The following FNDC8 variants were observed in gnomAD, a reference collection of about 807,000 sequenced individuals.
FNDC8 encodes the protein fibronectin type III domain containing 8, also known as fibronectin type III domain-containing protein 8.
In FNDC8, 23 loss-of-function variants were observed where a neutral mutation model predicts 24.8. That is an observed-to-expected ratio of 0.93 (90% confidence interval 0.67 to 1.31). The LOEUF is 1.31. Ranked by LOEUF, FNDC8 falls within the 40% of genes most tolerant of loss-of-function variation. The pLI is 0.00. For missense variants in FNDC8, 371 were observed against 398.2 expected (o/e 0.93, Z 0.58); for synonymous variants, 158 against 165.3 (o/e 0.96, Z 0.34).
chr17:35,127,492 G>A, intron 2 of FNDC8, 75 bp downstream of exon 2: 1 of 1,453,136 alleles, frequency 6.9e-7, no homozygotes, highest in Non-Finnish European at 9.1e-7. Flanking sequence ...TGGGTAGTGA[G>A]AAGGTGCCTG....
chr17:35,127,534 TAGGA>T lies in FNDC8; in HGVS notation c.585+121_585+124del, dbSNP rs1366274916. On this transcript the variant is annotated intron_variant, in intron 2 of 3. Transcript: ENST00000158009. ...GCATGTCGACCTCAAGTTCACGGTT[TAGGA>T]AGGGAGAGGATGTGTCTGTAAAAAC... 4 of 1,251,516 alleles carry T rather than the reference TAGGA, an allele frequency of 3.2e-6. No homozygotes were observed. In the African/African-American group the frequency reaches 4.5e-5, roughly 14 times the overall value. The allele number at this position is 1,251,516 out of a possible 1,614,324, so 77.5% of individuals were successfully genotyped here.
chr17:35,122,208 A>AC lies in FNDC8; in HGVS notation c.209+306_209+307insC, dbSNP rs1567738641. 3.3e-4 allele frequency among the ~76,000 whole-genome samples: 3 copies of AC among 9,152 alleles called. 1 individual carries two copies. Among genetic ancestry groups the AC allele is most frequent in the Non-Finnish European group, 5.3e-4 (3 of 5,608 alleles). The allele number at this position is 9,152 out of a possible 152,430, so 6.0% of individuals were successfully genotyped here. On this transcript the variant is annotated intron_variant, in intron 1 of 3. Transcript: ENST00000158009. ...TATATATATATATATATATATATAT[A>AC]AATTTTTTTTTTTGGTAGAAACGGG...
At chr17:35,128,413 G>A (rs2091857367) in intron 2 of FNDC8, among the ~76,000 whole-genome samples, 1 of 152,240 alleles carries the variant, frequency 6.6e-6, no homozygotes, top group African/African-American at 2.4e-5. Flanking sequence ...GGCCTAGATG[G>A]AGGAGAAACC....
intron 1 of FNDC8, among the ~76,000 whole-genome samples, chr17:35,122,157 CATATATAT>C (rs1161260066): frequency 4.1e-4 from 15 of 36,442 alleles, no homozygotes; most frequent in African/African-American, 7.9e-4. Flanking sequence ...GGCTAATTTT[CATATATAT>C]ATATATATAT....
chr17:35,124,742 T>A (rs2091842389), intron 1 of FNDC8, among the ~76,000 whole-genome samples: 1 of 151,780 alleles, frequency 6.6e-6, no homozygotes, highest in Non-Finnish European at 1.5e-5. Flanking sequence ...TCTTCATCAG[T>A]TAAAAAAATA....
At chr17:35,121,994 T>C (rs2091827996) in intron 1 of FNDC8, 92 bp downstream of exon 1, 1 of 1,003,014 alleles carries the variant, frequency 1.0e-6, no homozygotes, top group South Asian at 1.6e-5. Context: ...TTCCTTTTTT[T>C]TTTTTTTTTT....
At chr17:35,130,124 T>C (rs2091867431) in intron 3 of FNDC8, 158 bp from the exon 4 acceptor site, 11 of 1,441,262 alleles carry the variant, frequency 7.6e-6, no homozygotes, top group African/African-American at 5.7e-5. Flanking sequence ...GCTTGAGTCA[T>C]GCATCTTTGC....
chr17:35,129,133 A>G (rs73288947), intron 2 of FNDC8: 190 of 348,540 alleles, frequency 5.5e-4, no homozygotes, highest in African/African-American at 3.7e-3. Context: ...CTAACAGGCC[A>G]TGGACTGCTA....
chr17:35,129,686 G>A (rs199521079), intron 3 of FNDC8, 28 bp downstream of exon 3: 12 of 1,606,016 alleles, frequency 7.5e-6, no homozygotes, highest in South Asian at 5.6e-5. Flanking sequence ...AGGGGCCTTG[G>A]GGGTGGAGAG....
In FNDC8 at chr17:35,129,185, A is replaced by G; in HGVS notation, c.586-237A>G. 4 of 505,960 alleles carry G rather than the reference A, an allele frequency of 7.9e-6. 1 individual carries two copies. The highest frequency in any genetic ancestry group is 1.4e-5 in the Non-Finnish European group (4 of 280,492). The allele number at this position is 505,960 out of a possible 1,614,324, so 31.3% of individuals were successfully genotyped here. On this transcript the variant is annotated intron_variant, in intron 2 of 3. Transcript: ENST00000158009. ...GGGTTGAGGACCCCTGGCGTATAAG[A>G]AATATGGAATGAGGGTGTACCCTAA...
chr17:35,127,516 G>A (rs1444221611), intron 2 of FNDC8, 99 bp downstream of exon 2: 8 of 1,365,772 alleles, frequency 5.9e-6, no homozygotes, highest in African/African-American at 5.8e-5. Context: ...CCTGCATGTC[G>A]ACCTCAAGTT....
At chr17:35,122,157 CATATATATATATATATATAT>C (rs1161260066) in intron 1 of FNDC8, among the ~76,000 whole-genome samples, 2 of 36,448 alleles carry the variant, frequency 5.5e-5, no homozygotes, top group Non-Finnish European at 5.2e-5. Flanking sequence ...GGCTAATTTT[CATATATATATATATATATAT>C]ATATATATAT....
At chr17:35,128,874 G>A in intron 2 of FNDC8, 1 of 175,484 alleles carries the variant, frequency 5.7e-6, no homozygotes, top group South Asian at 1.7e-4. Flanking sequence ...CAACGAGAGG[G>A]TCCCATTTGG....
chr17:35,121,759 C>G lies in FNDC8; in HGVS notation c.66C>G (p.Phe22Leu), dbSNP rs150086168. ...AGGCTGTACTGAAGAAAGAAAACTTCAACATGATGAATGCCCTTGACCAAC... is the reference window on the plus strand; with the variant it reads ...AGGCTGTACTGAAGAAAGAAAACTTGAACATGATGAATGCCCTTGACCAAC... ...GEEAVLKKEN[F>L]NMMNALDQLP... The change falls in exon 1 of 4, where the codon TTC becomes TTG. Residue 22 changes from phenylalanine to leucine, a missense_variant. Coordinates refer to ENST00000158009, the MANE Select transcript of FNDC8 (RefSeq NM_017559.4). 10 of 1,613,672 alleles carry G rather than the reference C, an allele frequency of 6.2e-6. No individual in the cohort carries two copies. The highest frequency in any genetic ancestry group is 1.6e-4 in the Middle Eastern group (1 of 6,084).
intron 1 of FNDC8, 131 bp from the exon 2 acceptor site, chr17:35,126,911 C>G (rs923967057): frequency 2.7e-6 from 3 of 1,117,130 alleles, no homozygotes; most frequent in Non-Finnish European, 3.8e-6. Context: ...TGCTATAGAG[C>G]AATGAGGCTG....
chr17:35,125,382 A>G (rs1291688518), intron 1 of FNDC8, among the ~76,000 whole-genome samples: 2 of 152,132 alleles, frequency 1.3e-5, no homozygotes, highest in African/African-American at 2.4e-5. Context: ...GTGCCACTGC[A>G]CTCCAGCCTG....
intron 1 of FNDC8, 87 bp downstream of exon 1, chr17:35,121,989 T>TTCCTTCCTTCCTTCC: frequency 1.8e-5 from 2 of 111,676 alleles, no homozygotes; most frequent in Non-Finnish European, 1.1e-5. Flanking sequence ...CTTCCTTCCT[T>TTCCTTCCTTCCTTCC]TTTTTTTTTT....
At chr17:35,130,012 G>A (rs767270130) in intron 3 of FNDC8, 46 of 1,380,292 alleles carry the variant, frequency 3.3e-5, no homozygotes, top group Non-Finnish European at 3.6e-5. Flanking sequence ...AAAGGGGGAC[G>A]AAGAAGGGAA....
intron 1 of FNDC8, among the ~76,000 whole-genome samples, chr17:35,124,485 C>G (rs8068164): frequency 0.032 from 4,879 of 152,028 alleles, 274 homozygotes; most frequent in African/African-American, 0.11. Flanking sequence ...TGAGATCACG[C>G]CACTGCACTC....
Sources: allele counts gnomAD v4.1 joint callset (sites outside exome capture counted in the v4.1 genomes callset), GRCh38; gene constraint gnomAD v4.1.1; transcripts MANE v1.5; gene names NCBI Gene and HGNC (gene_info 2026-07-23, HGNC 2026-07-21).